The following ICAM1 variants were observed in gnomAD, a reference collection of about 807,000 sequenced individuals.
ICAM1 encodes the protein ICAM-1.
ICAM1 carries 28 observed loss-of-function variants against 42.3 expected under a neutral mutation model. That is an observed-to-expected ratio of 0.66 (90% CI 0.49 to 0.91). ICAM1 has a LOEUF of 0.91. Ranked by LOEUF, ICAM1 falls within the 40% of genes least tolerant of loss-of-function variation. ICAM1 has a pLI of 0.00. For synonymous variants in ICAM1, 304 were observed against 305.9 expected (o/e 0.99, Z 0.07); for missense variants, 637 against 688.6 (o/e 0.93, Z 0.84).
intron 2 of ICAM1, 72 bp downstream of exon 2, chr19:10,275,100 G>A (rs2040007497): frequency 1.3e-6 from 2 of 1,486,984 alleles, no homozygotes; most frequent in Non-Finnish European, 1.8e-6. Context: ...ACCTGCAGAG[G>A]CCTGGGGGAA....
chr19:10,276,024 C>CG (rs1568292371), intron 2 of ICAM1, among the ~76,000 whole-genome samples: 1 of 150,132 alleles, frequency 6.7e-6, no homozygotes, highest in East Asian at 2.0e-4. Flanking sequence ...CTGTTTCTAC[C>CG]GGAAAAAAAA....
Position 10,285,465 on chromosome 19 carries a change from C to A in ICAM1, c.*178C>A. On this transcript the variant is annotated 3_prime_UTR_variant, in exon 7 of 7. Transcript: ENST00000264832. ...CATTTGGGGCCATGGTACCTGCACA[C>A]CTAAAACACTAGGCCACGCATCTGA... The A allele has an allele frequency of 1.6e-6, 1 of 612,638 alleles. No individual in the cohort carries two copies. The highest frequency in any genetic ancestry group is 2.9e-6 in the Non-Finnish European group (1 of 346,562). 38.0% of individuals were successfully genotyped at this position (612,638 alleles called of 1,614,324 possible).
At position 10,273,492 on chromosome 19, in the gene ICAM1, C is replaced by CA. The variant is rs58182824; in HGVS notation, c.68-1260dup. Among the ~76,000 whole-genome samples the CA allele has an allele frequency of 9.7e-4, 140 of 144,730 alleles. No homozygotes were observed. The East Asian group carries it at 0.014, about 15-fold the overall frequency. 94.9% of individuals were successfully genotyped at this position (144,730 alleles called of 152,430 possible). ...GGGCAACAAGAGCTAAACTCCGTCT[C>CA]AAAAAAAAAAAAATGTTTTTCAAAT... On this transcript the variant is annotated intron_variant, in intron 1 of 6. Transcript: ENST00000264832.
At chr19:10,280,990 T>C (rs111231890) in intron 2 of ICAM1, among the ~76,000 whole-genome samples, 5,063 of 150,288 alleles carry the variant, frequency 0.034, 101 homozygotes, top group Non-Finnish European at 0.045. Context: ...CCTCCTGCCT[T>C]AGCCTCCTGA....
At chr19:10,281,414 GCCC>G (rs1442997125) in intron 2 of ICAM1, among the ~76,000 whole-genome samples, 1 of 151,446 alleles carries the variant, frequency 6.6e-6, no homozygotes, top group Non-Finnish European at 1.5e-5. Context: ...GAGCCACCAT[GCCC>G]CAGCCTTGCT....
rs145543260 is a variant in ICAM1, at chr19:10,282,393, G to A, written c.332-1088G>A. 2.0e-3 allele frequency: 299 copies of A among 152,236 alleles called. 2 individuals carry two copies. Among genetic ancestry groups the A allele is most frequent in the African/African-American group, 6.6e-3 (272 of 41,522 alleles). 9.4% of individuals were successfully genotyped at this position (152,236 alleles called of 1,614,324 possible). A position where few individuals can be genotyped will look rare whatever the true frequency, so the allele number is the denominator to read the frequency against. On this transcript the variant is annotated intron_variant, in intron 2 of 6. Transcript: ENST00000264832. ...CTCCCGAGTAGCTGAGACTACAGGC[G>A]TGCACCACCATGCCAGACTAATTTT... is the stretch of plus-strand genomic sequence containing the variant.
intron 2 of ICAM1, among the ~76,000 whole-genome samples, chr19:10,281,088 T>C (rs1303338357): frequency 6.6e-6 from 1 of 151,152 alleles, no homozygotes; most frequent in Non-Finnish European, 1.5e-5. Context: ...TTAGCCAGGA[T>C]GGTCTTGATC....
chr19:10,282,161 G>A (rs1180756463), intron 2 of ICAM1: 1 of 151,514 alleles, frequency 6.6e-6, no homozygotes, highest in Non-Finnish European at 1.5e-5. Flanking sequence ...TTAAACTCCT[G>A]GGCTCAAGTG....
Position 10,271,128 on chromosome 19 carries a change from C to G in ICAM1, c.-32C>G. The stretch of plus-strand genomic sequence containing the variant: ...GCGCCCCAGTCGACGCTGAGCTCCT[C>G]TGCTACTCAGAGTTGCAACCTCAGC... On this transcript the variant is annotated 5_prime_UTR_variant, in exon 1 of 7. Coordinates refer to ENST00000264832, the MANE Select transcript of ICAM1 (RefSeq NM_000201.3). The G allele has an allele frequency of 1.3e-6, 2 of 1,596,150 alleles. No homozygotes were observed. Among genetic ancestry groups the G allele is most frequent in the Non-Finnish European group, 1.7e-6 (2 of 1,167,954 alleles).
In ICAM1 at chr19:10,283,869, G is replaced by T. The variant is rs1023043439; in HGVS notation, c.637+83G>T. The stretch of plus-strand genomic sequence containing the variant: ...TGCCTGTGGCCACAGGATCTTTTGA[G>T]ATGGGTGTGGCCCCGGCTAAGGGGT... On this transcript the variant is annotated intron_variant, in intron 3 of 6. Transcript: ENST00000264832. 3.4e-6 allele frequency: 5 copies of T among 1,466,938 alleles called. No individual in the cohort carries two copies. The East Asian group carries it at 1.2e-4, about 34-fold the overall frequency. The allele number at this position is 1,466,938 out of a possible 1,614,324, so 90.9% of individuals were successfully genotyped here. A position where few individuals can be genotyped will look rare whatever the true frequency, so the allele number is the denominator to read the frequency against.
In ICAM1 at chr19:10,284,919, G is replaced by T. The variant is rs2040091451; in HGVS notation, c.1317G>T (p.Leu439=). 1.9e-6 allele frequency: 3 copies of T among 1,606,402 alleles called. 1 individual carries two copies. Among genetic ancestry groups the T allele is most frequent in the Middle Eastern group, 3.3e-4 (2 of 6,022 alleles). Residue 439 remains leucine (L), a synonymous_variant, in exon 6 of 7, where the codon CTG becomes CTT. Transcript: ENST00000264832. The surrounding 1 kb of genome is among the most constrained non-coding windows in gnomAD (Gnocchi z 5.4). Reference sequence around the variant, plus strand: ...GTCTAAAGGATGGCACTTTCCCACTGCCCATCGGGGAATCAGTGACTGTCA... The same window carrying T: ...GTCTAAAGGATGGCACTTTCCCACTTCCCATCGGGGAATCAGTGACTGTCA... ...LKCLKDGTFP[L]PIGESVTVTR...
At position 10,275,043 on chromosome 19, in the gene ICAM1, C is replaced by CCGGAGGG; in HGVS notation, c.331+17_331+23dup. 6.2e-7 allele frequency: 1 copy of CCGGAGGG among 1,611,730 alleles called. No homozygotes were observed. The highest frequency in any genetic ancestry group is 1.1e-5 in the South Asian group (1 of 90,906). On this transcript the variant is annotated intron_variant, in intron 2 of 6. Transcript: ENST00000264832. ...CACCGTGTACTGTGAGTAACTGAGC[C>CCGGAGGG]CGGAGGGCTGGACTAGGCAGACCCG...
At position 10,274,741 on chromosome 19, in the gene ICAM1, C is replaced by T. The variant is rs5030351; in HGVS notation, c.68-24C>T. On this transcript the variant is annotated intron_variant, in intron 1 of 6. Coordinates refer to ENST00000264832, the MANE Select transcript of ICAM1 (RefSeq NM_000201.3). ...GATGAACCTGATTTGTAATGCCTGT[C>T]GCCTCTTCCCTCGTTTCTTCTAGGA... 0.012 allele frequency: 19,053 copies of T among 1,605,550 alleles called. 1,922 individuals carry two copies. In the African/African-American group the frequency reaches 0.22, roughly 19 times the overall value.
intron 2 of ICAM1, among the ~76,000 whole-genome samples, chr19:10,279,269 T>C (rs281431): frequency 0.44 from 66,725 of 151,264 alleles, 15,975 homozygotes; most frequent in African/African-American, 0.63. Flanking sequence ...GTAGGCCAGG[T>C]GCAGTGGCTC....
chr19:10,283,837 AATGCGGTG>A, intron 3 of ICAM1, 51 bp downstream of exon 3: 1 of 1,526,004 alleles, frequency 6.6e-7, no homozygotes, highest in African/African-American at 1.4e-5. Context: ...GGTATCCTGC[AATGCGGTG>A]CCTGTGGCCA....
Position 10,284,564 on chromosome 19 carries a change from G to C in ICAM1, c.1087G>C (p.Glu363Gln), listed in dbSNP as rs199672020. 4.3e-6 allele frequency: 7 copies of C among 1,614,172 alleles called. No individual in the cohort carries two copies. Among genetic ancestry groups the C allele is most frequent in the Non-Finnish European group, 5.9e-6 (7 of 1,180,014 alleles). The change falls in exon 5 of 7, where the codon GAG becomes CAG. Residue 363 changes from glutamate (E) to glutamine (Q), a missense_variant. Glu to Gln is a conservative substitution (Grantham distance 29). Transcript: ENST00000264832. This position sits in a 1 kb window ranked among gnomAD's most constrained non-coding sequence, Gnocchi z 5.4. ...RAQLLLKATP[E>Q]DNGRSFSCSA... ...CCAGCTCCTGCTGAAGGCCACCCCA[G>C]AGGACAACGGGCGCAGCTTCTCCTG...
At chr19:10,278,818 A>G (rs939294545) in intron 2 of ICAM1, among the ~76,000 whole-genome samples, 1 of 151,986 alleles carries the variant, frequency 6.6e-6, no homozygotes, top group African/African-American at 2.4e-5. Flanking sequence ...CTGGGATTAC[A>G]GGCTTGAGCC....
In ICAM1 at chr19:10,284,282, A is replaced by G. The variant is rs1404271908; in HGVS notation, c.887A>G (p.Asn296Ser). Residue 296 changes from asparagine to serine, a missense_variant, in exon 4 of 7, where the codon AAC becomes AGC. By Grantham distance (46) the Asn-to-Ser change is conservative (BLOSUM62 1). Coordinates refer to ENST00000264832, the MANE Select transcript of ICAM1 (RefSeq NM_000201.3). The surrounding 1 kb of genome is among the most constrained non-coding windows in gnomAD (Gnocchi z 5.4). ...QRLTCAVILG[N>S]QSQETLQTVT... is the part of the protein sequence containing the mutation. The stretch of plus-strand genomic sequence containing the variant: ...CTGACGTGTGCAGTAATACTGGGGA[A>G]CCAGAGCCAGGAGACACTGCAGACA... 1.9e-6 allele frequency: 3 copies of G among 1,613,800 alleles called. No individual in the cohort carries two copies. Among genetic ancestry groups the G allele is most frequent in the Non-Finnish European group, 2.5e-6 (3 of 1,180,040 alleles).
Position 10,285,790 on chromosome 19 carries a change from T to G in ICAM1, c.*503T>G, listed in dbSNP as rs751823601. On this transcript the variant is annotated 3_prime_UTR_variant, in exon 7 of 7. Transcript: ENST00000264832. Reference sequence around the variant, plus strand: ...GACCCCAACCCTTGATGATATGTATTTATTCATTTGTTATTTTACCAGCTA... The same window carrying G: ...GACCCCAACCCTTGATGATATGTATGTATTCATTTGTTATTTTACCAGCTA... The G allele has an allele frequency of 5.0e-5, 8 of 161,000 alleles. No homozygotes were observed. Among genetic ancestry groups the G allele is most frequent in the Admixed American group, 5.8e-5 (1 of 17,238 alleles). 10.0% of individuals were successfully genotyped at this position (161,000 alleles called of 1,614,324 possible).
Sources: allele counts gnomAD v4.1 joint callset (sites outside exome capture counted in the v4.1 genomes callset), GRCh38; gene constraint gnomAD v4.1.1; non-coding constraint Gnocchi (gnomAD v3.1); transcripts MANE v1.5; gene names NCBI Gene and HGNC (gene_info 2026-07-23, HGNC 2026-07-21).